The following CDH23 variants were observed in gnomAD, a reference collection of about 807,000 sequenced individuals.
CDH23 encodes the protein cadherin-23.
Under a neutral mutation model 317.1 loss-of-function variants are expected in CDH23, and 189 were observed. That is an observed-to-expected ratio of 0.60 (90% CI 0.53 to 0.67). The LOEUF is 0.67. Ranked by LOEUF, CDH23 falls within the 30% of genes least tolerant of loss-of-function variation. The pLI, the probability that CDH23 is intolerant of heterozygous loss-of-function variation, is 0.00. For synonymous variants in CDH23, 1,839 were observed against 1,876.8 expected, an observed-to-expected ratio of 0.98 and a Z score of 0.52; for missense variants, 4,401 against 4,592.4, an observed-to-expected ratio of 0.96 and a Z score of 1.20.
rs556070914 is a variant in CDH23, at chr10:71,775,860, C to A, written c.4846-1820C>A. Among the ~76,000 whole-genome samples, 2 of 152,336 alleles carry A rather than the reference C, an allele frequency of 1.3e-5. 1 individual carries two copies. Among genetic ancestry groups the A allele is most frequent in the South Asian group, 4.1e-4 (2 of 4,828 alleles). ...GAAAGCCACCATGTCCATCTTGTGG[C>A]TCTGCAGGGCCTGGAGGCAGCTGTG... On this transcript the variant is annotated intron_variant, in intron 38 of 69. Transcript: ENST00000224721.
intron 14 of CDH23, among the ~76,000 whole-genome samples, chr10:71,673,722 C>G (rs950652547): frequency 6.6e-6 from 1 of 152,220 alleles, no homozygotes; most frequent in Admixed American, 6.5e-5. Context: ...CTCAGTTTCC[C>G]CATCTGTAAA....
chr10:71,759,996 C>T (rs113222389), intron 38 of CDH23, among the ~76,000 whole-genome samples: 3 of 38,886 alleles, frequency 7.7e-5, no homozygotes, highest in Admixed American at 2.8e-4. Context: ...TATACACACA[C>T]ACATACATAT....
chr10:71,511,554 G>A (rs909298863), intron 6 of CDH23, among the ~76,000 whole-genome samples: 3 of 151,484 alleles, frequency 2.0e-5, no homozygotes. Context: ...CCTGGGCAGG[G>A]TGGGTGGGCA....
chr10:71,799,561 G>C lies in CDH23; in HGVS notation c.7294G>C (p.Gly2432Arg), dbSNP rs1225449024. The change falls in exon 52 of 70, where the codon GGC becomes CGC. Residue 2432 changes from glycine to arginine, a missense_variant. By Grantham distance (125) the Gly-to-Arg change is moderately radical. Coordinates refer to ENST00000224721, the MANE Select transcript of CDH23 (RefSeq NM_022124.6). ...AGTCACTGCCACTGATGCTGACTCA[G>C]GCAACTTTGCACTCATTGAGTACAG... ...LTVTATDADS[G>R]NFALIEYSLG... 1 of 1,613,960 alleles carries C rather than the reference G, an allele frequency of 6.2e-7. No individual in the cohort carries two copies. The highest frequency in any genetic ancestry group is 8.5e-7 in the Non-Finnish European group (1 of 1,179,906).
chr10:71,751,747 C>G lies in CDH23; in HGVS notation c.4845+9826C>G. 1 of 1,601,592 alleles carries G rather than the reference C, an allele frequency of 6.2e-7. No individual in the cohort carries two copies. The highest frequency in any genetic ancestry group is 8.5e-7 in the Non-Finnish European group (1 of 1,173,666). ...GCTCCGAAAGCAGATGCCGCCCAGA[C>G]TCAGAAGGCTGCCGCTGGGCCACAT... On this transcript the variant is annotated intron_variant, in intron 38 of 69. Coordinates refer to ENST00000224721, the MANE Select transcript of CDH23 (RefSeq NM_022124.6). The surrounding 1 kb of genome is among the most constrained non-coding windows in gnomAD (Gnocchi z 4.9).
At position 71,646,775 on chromosome 10, in the gene CDH23, A is replaced by T. The variant is rs184839309; in HGVS notation, c.1449+158A>T. 70 of 1,581,220 alleles carry T rather than the reference A, an allele frequency of 4.4e-5. No homozygotes were observed. In the East Asian group the frequency reaches 1.6e-3, roughly 35 times the overall value. On this transcript the variant is annotated intron_variant, in intron 14 of 69. Transcript: ENST00000224721. ...TTGGTGTATTAAATAAAGTTTTTGG[A>T]CTCTTCAGGAAGGGGCTCCCTTGAC...
chr10:71,800,580 C>A, intron 52 of CDH23, 56 bp from the exon 53 acceptor site: 1 of 1,575,460 alleles, frequency 6.3e-7, no homozygotes, highest in Non-Finnish European at 8.6e-7. Flanking sequence ...ATAGTAGGTG[C>A]TCAATAAATA....
chr10:71,701,848 C>T (rs887446792), intron 22 of CDH23, among the ~76,000 whole-genome samples, 174 bp from the exon 23 acceptor site: 2 of 152,164 alleles, frequency 1.3e-5, no homozygotes, highest in Admixed American at 1.3e-4. Flanking sequence ...AGAACTCCTG[C>T]CTCCCAGCCC....
At position 71,709,193 on chromosome 10, in the gene CDH23, C is replaced by T; in HGVS notation, c.3202C>T (p.Leu1068Phe). ...LDRETTAAYM[L>F]ILEAIDNGPV... is the part of the protein sequence containing the mutation. ...CCGGGAGACCACAGCCGCCTACATG[C>T]TCATCCTGGAGGCCATCGGTATGCA... is the stretch of plus-strand genomic sequence containing the variant. Residue 1068 changes from leucine (L) to phenylalanine (F), a missense_variant, in exon 27 of 70, where the codon CTC becomes TTC. By Grantham distance (22) the Leu-to-Phe change is conservative (BLOSUM62 0). This residue lies in a region of CDH23 where 3,068 missense variants were observed against 3,203.3 expected (regional missense o/e 0.96). Transcript: ENST00000224721. 4 of 1,613,880 alleles carry T rather than the reference C, an allele frequency of 2.5e-6. No homozygotes were observed. The highest frequency in any genetic ancestry group is 3.4e-6 in the Non-Finnish European group (4 of 1,179,790).
In CDH23 at chr10:71,560,183, GCCTGCTTTAGCAT is replaced by G. The variant is rs1476655471; in HGVS notation, c.430-6556_430-6544del. 1.4e-4 allele frequency among the ~76,000 whole-genome samples: 22 copies of G among 152,270 alleles called. 1 individual carries two copies. In the East Asian group the frequency reaches 4.2e-3, roughly 29 times the overall value. ...CCCAAAGCATCCCAGTAGGAGAGGC[GCCTGCTTTAGCAT>G]CCAACAGAAACCGAAGTGCAGATGT... On this transcript the variant is annotated intron_variant, in intron 6 of 69. Transcript: ENST00000224721.
Position 71,566,796 on chromosome 10 carries a change from G to T in CDH23, c.484G>T (p.Gly162Trp). 6.2e-7 allele frequency: 1 copy of T among 1,612,918 alleles called. No individual in the cohort carries two copies. ...FIVNATDPDL[G>W]AGGSVLYSFQ... ...CGTGAATGCCACAGACCCCGACTTG[G>T]GGGCAGGGGGCAGCGTCCTCTACTC... Residue 162 changes from glycine to tryptophan, a missense_variant, in exon 7 of 70, where the codon GGG becomes TGG. Coordinates refer to ENST00000224721, the MANE Select transcript of CDH23 (RefSeq NM_022124.6).
intron 1 of CDH23, among the ~76,000 whole-genome samples, chr10:71,407,617 G>T (rs1487234089): frequency 6.6e-6 from 1 of 152,184 alleles, no homozygotes. Flanking sequence ...CCCGCCATTG[G>T]CCAGGCTGGC....
In CDH23 at chr10:71,793,256, G is replaced by C. The variant is rs747001273; in HGVS notation, c.6328G>C (p.Ala2110Pro). ...TGGGGAGCTGGTCTACCGAATAGAA[G>C]CTGGGGCTCAGGACCGCTTCCTCAT... ...LNGELVYRIE[A>P]GAQDRFLIHL... is the part of the protein sequence containing the mutation. Residue 2110 changes from alanine (A) to proline (P), a missense_variant, in exon 48 of 70, where the codon GCT becomes CCT. By Grantham distance (27) the Ala-to-Pro change is conservative. Transcript: ENST00000224721. 6.2e-7 allele frequency: 1 copy of C among 1,613,940 alleles called. No individual in the cohort carries two copies. The highest frequency in any genetic ancestry group is 8.5e-7 in the Non-Finnish European group (1 of 1,179,874).
chr10:71,815,868 AG>A lies in CDH23; in HGVS notation c.*591del, dbSNP rs1205343403. 1 of 157,024 alleles carries A rather than the reference AG, an allele frequency of 6.4e-6. No homozygotes were observed. Among genetic ancestry groups the A allele is most frequent in the Admixed American group, 6.1e-5 (1 of 16,414 alleles). 9.7% of individuals were successfully genotyped at this position (157,024 alleles called of 1,614,324 possible). The stretch of plus-strand genomic sequence containing the variant: ...CCAAATGTGTGCCCAGCTTATAAAC[AG>A]AAGTGACTGATGTTCCCTCCGGTTT... On this transcript the variant is annotated 3_prime_UTR_variant, in exon 70 of 70. Transcript: ENST00000224721.
intron 26 of CDH23, chr10:71,707,290 G>A (rs1865828217): frequency 7.0e-7 from 1 of 1,433,348 alleles, no homozygotes; most frequent in Non-Finnish European, 9.1e-7. Flanking sequence ...GTTGGTTGCA[G>A]GGACGGGGAG....
intron 35 of CDH23, 107 bp downstream of exon 35, chr10:71,738,754 T>C: frequency 7.6e-7 from 1 of 1,323,186 alleles, no homozygotes; most frequent in South Asian, 1.4e-5. Flanking sequence ...AGCACCAGGT[T>C]CTTCCGGTCT....
chr10:71,796,148 G>C (rs1245506135), intron 48 of CDH23: 2 of 954,176 alleles, frequency 2.1e-6, no homozygotes, highest in Admixed American at 1.2e-4. Flanking sequence ...TGCCAAGGGG[G>C]AAGGGAATCT....
chr10:71,762,094 G>C, intron 38 of CDH23: 1 of 1,488,990 alleles, frequency 6.7e-7, no homozygotes. Flanking sequence ...CCCAGAGCGG[G>C]GAAGAACCTT....
intron 25 of CDH23, 26 bp downstream of exon 25, chr10:71,705,156 G>C (rs770825032): frequency 8.2e-6 from 13 of 1,585,272 alleles, no homozygotes; most frequent in Non-Finnish European, 1.0e-5. Flanking sequence ...GGCTTCTGCT[G>C]TGTGCTCAGT....
Sources: allele counts gnomAD v4.1 joint callset (sites outside exome capture counted in the v4.1 genomes callset), GRCh38; gene constraint gnomAD v4.1.1; regional missense constraint gnomAD v4.1.1; non-coding constraint Gnocchi (gnomAD v3.1); transcripts MANE v1.5; gene names NCBI Gene and HGNC (gene_info 2026-07-23, HGNC 2026-07-21).